Variants in TENM2 observed in about 807,000 individuals in gnomAD.
TENM2 encodes teneurin transmembrane protein 2, also known as teneurin-2.
In TENM2, 52 loss-of-function variants were observed where a neutral mutation model predicts 245.2. That is an observed-to-expected ratio of 0.21 (90% CI 0.17 to 0.27). The LOEUF is 0.27. TENM2 is among the 10% of genes least tolerant of loss of function. TENM2 has a pLI of 1.00. For synonymous variants in TENM2, 1,363 were observed against 1,438.9 expected, an observed-to-expected ratio of 0.95 and a Z score of 1.19; for missense variants, 3,046 against 3,666.8, an observed-to-expected ratio of 0.83 and a Z score of 4.37.
intron 1 of TENM2, among the ~76,000 whole-genome samples, chr5:167,329,551 CAAAAA>C (rs34165505): frequency 8.7e-4 from 19 of 21,940 alleles, no homozygotes; most frequent in Middle Eastern, 0.083. Flanking sequence ...GACTCAGTCT[CAAAAA>C]AAAAAAAAAA....
intron 2 of TENM2, among the ~76,000 whole-genome samples, chr5:167,793,183 G>T (rs997955407): frequency 3.3e-5 from 5 of 152,106 alleles, no homozygotes; most frequent in Admixed American, 2.0e-4. Flanking sequence ...TGCAAGCTGG[G>T]CTTTGAGATC....
chr5:168,205,350 CTGT>C (rs1762271307), intron 19 of TENM2, among the ~76,000 whole-genome samples: 1 of 151,664 alleles, frequency 6.6e-6, no homozygotes, highest in South Asian at 2.1e-4. Context: ...AACAAAGCAC[CTGT>C]TGTTGTGTTT....
chr5:167,111,857 A>G, the TENM2 span, among the ~76,000 whole-genome samples: 1 of 152,162 alleles, frequency 6.6e-6, no homozygotes, highest in South Asian at 2.1e-4. Flanking sequence ...TATTGTTTTC[A>G]TTCCGTCCTA....
intron 2 of TENM2, among the ~76,000 whole-genome samples, chr5:167,771,858 C>T (rs1763425750): frequency 1.3e-5 from 2 of 152,218 alleles, no homozygotes; most frequent in South Asian, 4.1e-4. Context: ...TTTTGATTCG[C>T]TGGTTCCAGC....
rs374441293 is a variant in TENM2 at position 168,221,225 on chromosome 5, A to G, written c.5108+2226A>G. Among the ~76,000 whole-genome samples the G allele has an allele frequency of 3.3e-5, 5 of 152,272 alleles. No homozygotes were observed. In the South Asian group the frequency reaches 1.0e-3, roughly 32 times the overall value. On this transcript the variant is annotated intron_variant, in intron 23 of 28. Transcript: ENST00000518659. ...CAGGGGGCAGAGTACAAATCCCCCT[A>G]TAGGTGAGAAGAGTGGCCATATCTT...
chr5:167,254,103 GTAAGGA>G, the TENM2 span, among the ~76,000 whole-genome samples: 1 of 151,812 alleles, frequency 6.6e-6, no homozygotes, highest in Non-Finnish European at 1.5e-5. Context: ...CTACACTTCA[GTAAGGA>G]TTAACAAGAG....
intron 2 of TENM2, among the ~76,000 whole-genome samples, chr5:167,522,205 G>A (rs1464017844): frequency 2.6e-5 from 4 of 152,072 alleles, no homozygotes; most frequent in Non-Finnish European, 5.9e-5. Context: ...AAATGTTCTG[G>A]ATAAATTAGT....
At chr5:167,575,265 C>T (rs1774564224) in intron 2 of TENM2, among the ~76,000 whole-genome samples, 1 of 151,978 alleles carries the variant, frequency 6.6e-6, no homozygotes, top group Non-Finnish European at 1.5e-5. Flanking sequence ...ATGAGAAAAT[C>T]TGAATATTAA....
chr5:167,991,427 T>C (rs1024472982), intron 4 of TENM2, among the ~76,000 whole-genome samples: 1 of 152,190 alleles, frequency 6.6e-6, no homozygotes, highest in Non-Finnish European at 1.5e-5. Flanking sequence ...AGCATTTACT[T>C]AACTCCTGCC....
intron 25 of TENM2, among the ~76,000 whole-genome samples, chr5:168,232,595 G>A (rs1191317843): frequency 6.6e-6 from 1 of 152,244 alleles, no homozygotes; most frequent in East Asian, 1.9e-4. Context: ...CCCGGGACTG[G>A]CAAGCTCCTG....
intron 2 of TENM2, among the ~76,000 whole-genome samples, chr5:167,452,631 T>A (rs187561361): frequency 2.6e-5 from 4 of 151,974 alleles, no homozygotes; most frequent in Admixed American, 1.3e-4. Flanking sequence ...AGAACAAGAA[T>A]GCATGGTTGT....
intron 2 of TENM2, among the ~76,000 whole-genome samples, chr5:167,462,004 A>G (rs967061521): frequency 1.3e-5 from 2 of 152,230 alleles, no homozygotes; most frequent in South Asian, 2.1e-4. Flanking sequence ...CGCATCACTC[A>G]AAATCAGTGC....
chr5:168,255,591 C>T (rs2152709706), intron 27 of TENM2, among the ~76,000 whole-genome samples: 1 of 152,242 alleles, frequency 6.6e-6, no homozygotes, highest in Non-Finnish European at 1.5e-5. Context: ...AGGCATGAGC[C>T]ACCACGCCTG....
At chr5:168,121,509 G>C (rs1194210186) in intron 10 of TENM2, among the ~76,000 whole-genome samples, 1 of 152,136 alleles carries the variant, frequency 6.6e-6, no homozygotes, top group Non-Finnish European at 1.5e-5. Flanking sequence ...CCAGAGAAAG[G>C]GTTAGCTCAT....
intron 25 of TENM2, among the ~76,000 whole-genome samples, chr5:168,239,945 C>T (rs1028459235): frequency 1.1e-4 from 16 of 152,158 alleles, no homozygotes; most frequent in South Asian, 2.1e-4. Context: ...CAGCTGGGCA[C>T]GGTGGCTCAT....
At chr5:167,773,116 T>TTG (rs372244719) in intron 2 of TENM2, among the ~76,000 whole-genome samples, 12 of 152,104 alleles carry the variant, frequency 7.9e-5, no homozygotes, top group East Asian at 5.8e-4. Context: ...AGTTTAGCAT[T>TTG]TGTGTGTGTG....
At chr5:168,023,958 G>A (rs188198471) in intron 5 of TENM2, among the ~76,000 whole-genome samples, 4 of 152,136 alleles carry the variant, frequency 2.6e-5, no homozygotes, top group East Asian at 3.9e-4. Flanking sequence ...AAACTGTGAC[G>A]TATATATAAG....
chr5:167,138,481 C>A, the TENM2 span, among the ~76,000 whole-genome samples: 1 of 152,208 alleles, frequency 6.6e-6, no homozygotes, highest in Non-Finnish European at 1.5e-5. Flanking sequence ...GTAGACTAAT[C>A]TCTTAGATTC....
intron 5 of TENM2, among the ~76,000 whole-genome samples, chr5:168,040,846 A>G (rs1210381949): frequency 6.6e-6 from 1 of 152,174 alleles, no homozygotes; most frequent in Non-Finnish European, 1.5e-5. Flanking sequence ...AAAAACACCA[A>G]ACATGTTGTT....
Sources: gnomAD v4.1 joint callset for allele counts (sites outside exome capture counted in the v4.1 genomes callset) on GRCh38, gnomAD v4.1.1 for gene constraint, MANE v1.5 for transcripts, NCBI Gene and HGNC (gene_info 2026-07-23, HGNC 2026-07-21) for gene names.